DGKB: variants seen among roughly 807,000 people sequenced by gnomAD.
The protein encoded by DGKB is diacylglycerol kinase beta, also known as 90 kDa diacylglycerol kinase.
A neutral mutation model predicts 114.3 loss-of-function variants in DGKB; 67 were observed. The observed-to-expected ratio is 0.59, with a 90% CI of 0.48 to 0.72. The LOEUF (loss-of-function observed/expected upper bound fraction) is 0.72. DGKB is among the 30% of genes least tolerant of loss of function. DGKB has a pLI of 0.00. For synonymous variants in DGKB, 398 were observed against 323.1 expected (o/e 1.23, Z -2.49); for missense variants, 907 against 975.2 (o/e 0.93, Z 0.93).
chr7:14,754,537 G>C (rs544417218), intron 3 of DGKB, among the ~76,000 whole-genome samples: 1 of 151,646 alleles, frequency 6.6e-6, no homozygotes, highest in Admixed American at 6.6e-5. Context: ...TCAGCTGTGA[G>C]TGGAACAATT....
At chr7:14,888,097 A>C (rs1351894698) in intron 1 of DGKB, among the ~76,000 whole-genome samples, 1 of 151,772 alleles carries the variant, frequency 6.6e-6, no homozygotes, top group African/African-American at 2.4e-5. Context: ...ACAAGGTGTA[A>C]ATCTAGTAAA....
At chr7:14,285,931 G>A (rs1167517901) in intron 23 of DGKB, among the ~76,000 whole-genome samples, 1 of 151,950 alleles carries the variant, frequency 6.6e-6, no homozygotes, top group African/African-American at 2.4e-5. Context: ...CCCTGTGTTT[G>A]GATCTACCTT....
intron 1 of DGKB, among the ~76,000 whole-genome samples, chr7:14,868,282 C>A (rs980432738): frequency 1.4e-4 from 22 of 152,002 alleles, no homozygotes; most frequent in African/African-American, 5.3e-4. Context: ...CTATGCTTGC[C>A]TCTTGCCACT....
At chr7:14,444,411 A>G (rs1166545048) in intron 21 of DGKB, among the ~76,000 whole-genome samples, 2 of 151,812 alleles carry the variant, frequency 1.3e-5, no homozygotes, top group Admixed American at 6.6e-5. Flanking sequence ...ATGATAAACT[A>G]TGTGTTCATT....
intron 2 of DGKB, among the ~76,000 whole-genome samples, chr7:14,788,949 T>C (rs968310685): frequency 7.2e-5 from 11 of 152,012 alleles, no homozygotes; most frequent in Non-Finnish European, 1.2e-4. Context: ...GCAGCACAGA[T>C]AAAGCCCCCT....
intron 1 of DGKB, among the ~76,000 whole-genome samples, chr7:14,895,017 G>T (rs1476216082): frequency 6.6e-6 from 1 of 151,500 alleles, no homozygotes; most frequent in African/African-American, 2.4e-5. Flanking sequence ...ATAGCAAAAT[G>T]ACTCATCAGC....
intron 20 of DGKB, among the ~76,000 whole-genome samples, chr7:14,556,936 C>T (rs1376022062): frequency 1.3e-5 from 2 of 152,136 alleles, no homozygotes; most frequent in African/African-American, 4.8e-5. Context: ...AATGGAATTG[C>T]CACCAAGTTT....
At chr7:14,779,309 G>A (rs1271575641) in intron 2 of DGKB, among the ~76,000 whole-genome samples, 1 of 152,186 alleles carries the variant, frequency 6.6e-6, no homozygotes, top group Non-Finnish European at 1.5e-5. Flanking sequence ...GCCAAGGCTG[G>A]CAAATTGCTT....
Position 14,145,339 on chromosome 7 carries a change from T to C in DGKB, c.*3792A>G, listed in dbSNP as rs1781366273. On this transcript the variant is annotated 3_prime_UTR_variant, in exon 26 of 26. Coordinates refer to ENST00000402815, the MANE Select transcript of DGKB (RefSeq NM_001350709.2). Reference sequence around the variant, plus strand: ...ATGTTACAAGGGTTTAATCTTTTAATAGAGATATTATTCAGTTATTTGAAA... The same window carrying C: ...ATGTTACAAGGGTTTAATCTTTTAACAGAGATATTATTCAGTTATTTGAAA... The C allele has an allele frequency of 1.3e-5, 2 of 152,194 alleles. No individual in the cohort carries two copies. Among genetic ancestry groups the C allele is most frequent in the African/African-American group, 2.4e-5 (1 of 41,454 alleles). 9.4% of individuals were successfully genotyped at this position (152,194 alleles called of 1,614,324 possible).
chr7:14,831,748 C>A (rs1474824499), intron 2 of DGKB, among the ~76,000 whole-genome samples: 1 of 152,110 alleles, frequency 6.6e-6, no homozygotes, highest in Non-Finnish European at 1.5e-5. Context: ...AGAAATATTT[C>A]AGACCTTCCA....
chr7:14,446,305 A>G (rs1830722095), intron 21 of DGKB, among the ~76,000 whole-genome samples: 1 of 152,146 alleles, frequency 6.6e-6, no homozygotes, highest in Admixed American at 6.6e-5. Context: ...TTATGTGCAC[A>G]TCCTTAAAAT....
intron 2 of DGKB, among the ~76,000 whole-genome samples, chr7:14,819,710 C>G (rs912421100): frequency 3.3e-5 from 5 of 152,014 alleles, no homozygotes; most frequent in African/African-American, 1.2e-4. Flanking sequence ...GATGAAGAAA[C>G]TTGAACAAAG....
intron 20 of DGKB, among the ~76,000 whole-genome samples, chr7:14,541,482 T>A (rs751259226): frequency 1.3e-5 from 2 of 152,154 alleles, no homozygotes; most frequent in Admixed American, 6.5e-5. Context: ...AGATAAAATA[T>A]CACTGAAATG....
At chr7:14,199,260 T>C (rs1785472256) in intron 23 of DGKB, among the ~76,000 whole-genome samples, 1 of 152,062 alleles carries the variant, frequency 6.6e-6, no homozygotes, top group Admixed American at 6.6e-5. Flanking sequence ...AGTGAAGTAA[T>C]TGAGCGTGAT....
rs138140519 is a variant in DGKB at position 14,602,829 on chromosome 7, G to A, written c.1433+4605C>T. On this transcript the variant is annotated intron_variant, in intron 17 of 25. Transcript: ENST00000402815. The stretch of plus-strand genomic sequence containing the variant: ...TAAAGCACACACACAAATACGAAAC[G>A]GTCATTTCAAATGGCCAATTCAGAA... Among the ~76,000 whole-genome samples the A allele has an allele frequency of 1.6e-3, 251 of 152,194 alleles. 4 individuals are homozygous for A. The highest frequency in any genetic ancestry group is 0.015 in the Admixed American group (234 of 15,272).
At chr7:14,499,343 T>C (rs1247248048) in intron 20 of DGKB, among the ~76,000 whole-genome samples, 1 of 151,736 alleles carries the variant, frequency 6.6e-6, no homozygotes, top group African/African-American at 2.4e-5. Context: ...CAAGTCTTCA[T>C]TTGATTTGAA....
chr7:14,638,357 C>T (rs946594087), intron 13 of DGKB, among the ~76,000 whole-genome samples: 1 of 152,128 alleles, frequency 6.6e-6, no homozygotes, highest in Non-Finnish European at 1.5e-5. Context: ...TTATTAGCTT[C>T]TAACAAAATG....
chr7:14,457,338 T>C (rs1832427097), intron 21 of DGKB, among the ~76,000 whole-genome samples: 1 of 152,174 alleles, frequency 6.6e-6, no homozygotes, highest in Non-Finnish European at 1.5e-5. Flanking sequence ...CTTATTTTCT[T>C]ATCTAACTGG....
intron 21 of DGKB, among the ~76,000 whole-genome samples, chr7:14,381,583 A>G (rs1819480667): frequency 6.6e-6 from 1 of 152,204 alleles, no homozygotes; most frequent in Non-Finnish European, 1.5e-5. Flanking sequence ...AAGGGAGGGT[A>G]GAAATAGTTG....
Sources: allele counts gnomAD v4.1 joint callset (sites outside exome capture counted in the v4.1 genomes callset), GRCh38; gene constraint gnomAD v4.1.1; transcripts MANE v1.5; gene names NCBI Gene and HGNC (gene_info 2026-07-23, HGNC 2026-07-21).